The following TRPV1 variants were observed in gnomAD, a reference collection of about 807,000 sequenced individuals.
TRPV1 encodes OTRPC1.
TRPV1 carries 82 observed loss-of-function variants against 82.3 expected under a neutral mutation model. The observed-to-expected ratio is 1.00, with a 90% CI of 0.83 to 1.20. The LOEUF is 1.20. TRPV1 is among the 50% of genes most tolerant of loss of function. The pLI is 0.00. For missense variants in TRPV1, 1,067 were observed against 1,096.8 expected (o/e 0.97, Z 0.38); for synonymous variants, 515 against 467.7 (o/e 1.10, Z -1.30).
chr17:3,608,071 C>T (rs1395765758), intron 2 of TRPV1, among the ~76,000 whole-genome samples: 2 of 151,790 alleles, frequency 1.3e-5, no homozygotes, highest in African/African-American at 2.4e-5. Context: ...ATTAGCCAGG[C>T]GTGGTGGCAG....
chr17:3,598,965 G>A (rs974908363), intron 2 of TRPV1, among the ~76,000 whole-genome samples: 15 of 151,228 alleles, frequency 9.9e-5, no homozygotes, highest in Admixed American at 6.0e-4. Flanking sequence ...AAGGCCGGGC[G>A]CGGTGGCTCA....
intron 14 of TRPV1, 95 bp downstream of exon 14, chr17:3,573,538 A>ACCACCCACCCAC (rs2074887695): frequency 4.0e-6 from 1 of 248,426 alleles, no homozygotes; most frequent in African/African-American, 3.0e-5. Context: ...CACCGCCCCC[A>ACCACCCACCCAC]CCACCCACCC....
chr17:3,579,266 G>A (rs2074974613), intron 11 of TRPV1, among the ~76,000 whole-genome samples: 1 of 152,114 alleles, frequency 6.6e-6, no homozygotes, highest in Non-Finnish European at 1.5e-5. Context: ...AAAAAATTGG[G>A]TTAAAGGATG....
At chr17:3,579,099 G>C (rs2074972812) in intron 11 of TRPV1, among the ~76,000 whole-genome samples, 3 of 152,090 alleles carry the variant, frequency 2.0e-5, no homozygotes, top group Admixed American at 2.0e-4. Flanking sequence ...TGGGTGACCA[G>C]ATCATTAGAC....
chr17:3,576,668 A>AAAAAAAAAATATATATATATATATAT, intron 13 of TRPV1, among the ~76,000 whole-genome samples: 4 of 38,426 alleles, frequency 1.0e-4, no homozygotes, highest in Non-Finnish European at 2.1e-4. Flanking sequence ...AAAAAAAAAA[A>AAAAAAAAAATATATATATATATATAT]ATATATATAT....
chr17:3,576,668 A>AAAAAAAAAAAAAATATATATAT, intron 13 of TRPV1, among the ~76,000 whole-genome samples: 11 of 38,410 alleles, frequency 2.9e-4, no homozygotes, highest in Non-Finnish European at 5.3e-4. Context: ...AAAAAAAAAA[A>AAAAAAAAAAAAAATATATATAT]ATATATATAT....
chr17:3,583,582 C>T (rs1383399954), intron 9 of TRPV1, among the ~76,000 whole-genome samples, 152 bp from the exon 10 acceptor site: 1 of 152,242 alleles, frequency 6.6e-6, no homozygotes, highest in Non-Finnish European at 1.5e-5. Flanking sequence ...AGGGGAGCGC[C>T]CGCAAGGAGG....
intron 11 of TRPV1, among the ~76,000 whole-genome samples, chr17:3,579,734 C>T (rs988317619): frequency 7.2e-5 from 11 of 152,174 alleles, no homozygotes; most frequent in Non-Finnish European, 1.5e-4. Flanking sequence ...CCTCAGCCTC[C>T]CAAAGTGCTG....
chr17:3,591,398 C>G (rs770360881), intron 3 of TRPV1, 45 bp from the exon 4 acceptor site: 1 of 1,526,878 alleles, frequency 6.5e-7, no homozygotes, highest in Non-Finnish European at 8.8e-7. Context: ...GGCCTCCCCT[C>G]GGCCCTGAGG....
At chr17:3,579,547 C>A (rs1391775137) in intron 11 of TRPV1, among the ~76,000 whole-genome samples, 1 of 152,200 alleles carries the variant, frequency 6.6e-6, no homozygotes, top group Non-Finnish European at 1.5e-5. Flanking sequence ...GCGATCTGGG[C>A]TCACTGCAAC....
chr17:3,570,477 G>A (rs1171470540), intron 16 of TRPV1, among the ~76,000 whole-genome samples: 1 of 151,984 alleles, frequency 6.6e-6, no homozygotes, highest in Non-Finnish European at 1.5e-5. Flanking sequence ...GATTTAAATG[G>A]CAAGTTTTAG....
At position 3,592,100 on chromosome 17, in the gene TRPV1, A is replaced by G. The variant is rs1472126202; in HGVS notation, c.251T>C (p.Ile84Thr). 3.7e-6 allele frequency: 6 copies of G among 1,613,722 alleles called. No homozygotes were observed. The highest frequency in any genetic ancestry group is 1.3e-5 in the African/African-American group (1 of 75,042). ...GGTGGGGCCGTCTCCTGGCCTCTGG[A>G]TGGTGATAACAGGGCTGACTGTGAT... The part of the protein sequence containing the change: ...PTITVSPVIT[I>T]QRPGDGPTGA... Residue 84 changes from isoleucine to threonine, a missense_variant, in exon 3 of 17, where the codon ATC (isoleucine) becomes ACC (threonine). Coordinates refer to ENST00000572705, the MANE Select transcript of TRPV1 (RefSeq NM_080704.4).
Position 3,580,469 on chromosome 17 carries a change from C to T in TRPV1, c.1535G>A (p.Ser512Asn). The stretch of plus-strand genomic sequence containing the variant: ...AAGTGTCACTTACAAAAGCATCTCA[C>T]TGTAGCTGTCCACAAACAGGGTCTT... ...SMKTLFVDSY[S>N]EMLFFLQSLF... is the part of the protein sequence containing the mutation. Residue 512 changes from serine to asparagine, a missense_variant, in exon 11 of 17, where the codon AGT (serine) becomes AAT (asparagine). Coordinates refer to ENST00000572705, the MANE Select transcript of TRPV1 (RefSeq NM_080704.4). 1 of 1,614,086 alleles carries T rather than the reference C, an allele frequency of 6.2e-7. No individual in the cohort carries two copies. Among genetic ancestry groups the T allele is most frequent in the Non-Finnish European group, 8.5e-7 (1 of 1,179,912 alleles).
chr17:3,583,210 G>A (rs1477830196), intron 10 of TRPV1, 128 bp downstream of exon 10: 42 of 837,916 alleles, frequency 5.0e-5, no homozygotes, highest in South Asian at 3.9e-4. Flanking sequence ...TCACCTCTGC[G>A]TCTCTCAGCT....
At chr17:3,570,029 C>T (rs376713906) in intron 16 of TRPV1, among the ~76,000 whole-genome samples, 2 of 112,232 alleles carry the variant, frequency 1.8e-5, no homozygotes, top group African/African-American at 3.9e-5. Flanking sequence ...AGGGGCCAAG[C>T]GGTCAGGAAG....
chr17:3,593,104 G>C (rs12602895), intron 2 of TRPV1, among the ~76,000 whole-genome samples: 22,955 of 119,562 alleles, frequency 0.19, 5,845 homozygotes, highest in African/African-American at 0.57. Context: ...GTGTGTGTGT[G>C]TGTGTGTGTG....
intron 3 of TRPV1, among the ~76,000 whole-genome samples, chr17:3,591,689 G>A (rs1364486820): frequency 6.6e-6 from 1 of 152,184 alleles, no homozygotes; most frequent in African/African-American, 2.4e-5. Context: ...GGTGTAGACA[G>A]CCCCTCTAAG....
chr17:3,587,922 G>A (rs1381808823), intron 8 of TRPV1, among the ~76,000 whole-genome samples: 1 of 152,032 alleles, frequency 6.6e-6, no homozygotes, highest in Non-Finnish European at 1.5e-5. Flanking sequence ...ATGAAACTGT[G>A]CATTTTTAAA....
intron 11 of TRPV1, among the ~76,000 whole-genome samples, chr17:3,579,468 T>A (rs1165032017): frequency 4.6e-5 from 7 of 152,152 alleles, no homozygotes; most frequent in African/African-American, 1.7e-4. Flanking sequence ...TCCTGCCACA[T>A]CCACAATGTT....
Sources: gnomAD v4.1 joint callset for allele counts (sites outside exome capture counted in the v4.1 genomes callset) on GRCh38, gnomAD v4.1.1 for gene constraint, MANE v1.5 for transcripts, NCBI Gene and HGNC (gene_info 2026-07-23, HGNC 2026-07-21) for gene names.